Variants in TRPM3 observed in about 807,000 individuals in gnomAD.
The protein encoded by TRPM3 is long transient receptor potential channel 3.
TRPM3 carries 77 observed loss-of-function variants against 181.2 expected under a neutral mutation model. The observed-to-expected ratio is 0.42, with a 90% CI of 0.35 to 0.51. The LOEUF (loss-of-function observed/expected upper bound fraction) is 0.51, where lower values mean the gene tolerates loss of function less well. Among genes scored for constraint, TRPM3 ranks in the 20% least tolerant of loss-of-function variants. TRPM3 has a pLI of 0.01. For synonymous variants in TRPM3, 745 were observed against 796.4 expected, an observed-to-expected ratio of 0.94 and a Z score of 1.09; for missense variants, 1,759 against 2,196.7, an observed-to-expected ratio of 0.80 and a Z score of 3.98.
chr9:70,816,764 T>A lies in TRPM3; in HGVS notation c.973+11083A>T, dbSNP rs574560088. 5.2e-4 allele frequency among the ~76,000 whole-genome samples: 79 copies of A among 152,362 alleles called. 1 individual carries two copies. The highest frequency in any genetic ancestry group is 1.7e-3 in the African/African-American group (72 of 41,588). On this transcript the variant is annotated intron_variant, in intron 6 of 25. Transcript: ENST00000677713. ...TAGAGAATGCACATGCATTAATGCA[T>A]GGTGCTGCATATGCGATTATTATTT...
intron 1 of TRPM3, among the ~76,000 whole-genome samples, chr9:71,355,589 T>C (rs530942498): frequency 3.3e-5 from 5 of 152,304 alleles, no homozygotes; most frequent in African/African-American, 1.2e-4. Context: ...AGTCATTTCT[T>C]ACGGCAGCCC....
intron 1 of TRPM3, among the ~76,000 whole-genome samples, chr9:71,167,696 CA>C (rs2076605478): frequency 6.6e-6 from 1 of 152,238 alleles, no homozygotes; most frequent in South Asian, 2.1e-4. Flanking sequence ...AGCCCTTGCA[CA>C]AGCTGATGAG....
chr9:71,432,323 CTTTTTTTTT>C lies in TRPM3; in HGVS notation c.183+14321_183+14329del, dbSNP rs67905820. ...AATGGGTAATGAGACAAAAGTAGGACTTTTTTTTTTTTTTTTTTTTTTTTGGCTTATCTC... is the reference window on the plus strand; with the variant it reads ...AATGGGTAATGAGACAAAAGTAGGACTTTTTTTTTTTTTTTGGCTTATCTC... On this transcript the variant is annotated intron_variant, in intron 1 of 24. Coordinates refer to the TRPM3 transcript ENST00000357533. Among the ~76,000 whole-genome samples the C allele has an allele frequency of 1.9e-3, 142 of 76,656 alleles. 2 individuals are homozygous for C. The highest frequency in any genetic ancestry group is 6.6e-3 in the African/African-American group (136 of 20,742). 50.3% of individuals were successfully genotyped at this position (76,656 alleles called of 152,430 possible). A position where few individuals can be genotyped will look rare whatever the true frequency, so the allele number is the denominator to read the frequency against.
chr9:71,208,753 A>T (rs2131783435), intron 1 of TRPM3, among the ~76,000 whole-genome samples: 1 of 152,350 alleles, frequency 6.6e-6, no homozygotes, highest in South Asian at 2.1e-4. Flanking sequence ...CTAAATAATT[A>T]TATCATATCT....
chr9:71,141,325 C>T (rs1344951314), intron 1 of TRPM3, among the ~76,000 whole-genome samples: 2 of 152,038 alleles, frequency 1.3e-5, no homozygotes, highest in African/African-American at 4.8e-5. Context: ...GATTTACACA[C>T]ATTTTGAGCT....
At chr9:71,284,434 T>C (rs2085106462) in intron 1 of TRPM3, among the ~76,000 whole-genome samples, 1 of 152,196 alleles carries the variant, frequency 6.6e-6, no homozygotes. Flanking sequence ...ACGTGGAGAA[T>C]ACAACACTTG....
chr9:70,567,879 G>A (rs572961356), intron 22 of TRPM3, among the ~76,000 whole-genome samples: 17 of 152,292 alleles, frequency 1.1e-4, no homozygotes, highest in African/African-American at 4.1e-4. Flanking sequence ...AAAGGGGACA[G>A]TTAATATTCA....
At position 70,529,608 on chromosome 9, in the gene TRPM3, T is replaced by C. The variant is rs1291001107; in HGVS notation, c.*6345A>G. Reference sequence around the variant, plus strand: ...CTCTCACAAAGACTCTGTGTTCAAGTTTAGAATTATGTGGCTAACAAATAT... The same window carrying C: ...CTCTCACAAAGACTCTGTGTTCAAGCTTAGAATTATGTGGCTAACAAATAT... On this transcript the variant is annotated 3_prime_UTR_variant, in exon 26 of 26. Transcript: ENST00000677713. 1.3e-5 allele frequency: 2 copies of C among 152,216 alleles called. No homozygotes were observed. The highest frequency in any genetic ancestry group is 2.9e-5 in the Non-Finnish European group (2 of 68,030). The allele number at this position is 152,216 out of a possible 1,614,324, so 9.4% of individuals were successfully genotyped here. A position where few individuals can be genotyped will look rare whatever the true frequency, so the allele number is the denominator to read the frequency against.
intron 11 of TRPM3, among the ~76,000 whole-genome samples, chr9:70,637,546 T>A (rs1223897540): frequency 1.3e-5 from 2 of 152,122 alleles, no homozygotes; most frequent in African/African-American, 2.4e-5. Context: ...TTATTTTTTT[T>A]AATTGAAAAC....
At chr9:71,391,094 C>T (rs958924018) in intron 1 of TRPM3, among the ~76,000 whole-genome samples, 1 of 151,952 alleles carries the variant, frequency 6.6e-6, no homozygotes, top group African/African-American at 2.4e-5. Flanking sequence ...TTACAAATTA[C>T]TGTCATTTGT....
chr9:71,313,387 CCTGT>C (rs1410875208), intron 1 of TRPM3, among the ~76,000 whole-genome samples: 1 of 151,932 alleles, frequency 6.6e-6, no homozygotes, highest in Non-Finnish European at 1.5e-5. Context: ...TTCTAGATGA[CCTGT>C]CTGTTTTATA....
chr9:71,157,089 G>A (rs1233072814), intron 1 of TRPM3, among the ~76,000 whole-genome samples: 1 of 152,192 alleles, frequency 6.6e-6, no homozygotes, highest in Non-Finnish European at 1.5e-5. Flanking sequence ...TTCCCTGACT[G>A]TAATGATCCA....
chr9:71,445,981 C>T (rs1453624775), intron 1 of TRPM3, among the ~76,000 whole-genome samples: 1 of 152,214 alleles, frequency 6.6e-6, no homozygotes, highest in African/African-American at 2.4e-5. Context: ...TTATCAACTG[C>T]ACTTCTCTAC....
intron 1 of TRPM3, among the ~76,000 whole-genome samples, chr9:70,993,474 ATCC>A (rs2097508668): frequency 6.6e-6 from 1 of 152,146 alleles, no homozygotes; most frequent in Non-Finnish European, 1.5e-5. Context: ...GCATTGGATG[ATCC>A]TCCTATTGAC....
chr9:70,941,679 G>A lies in TRPM3; in HGVS notation c.178-77168C>T, dbSNP rs140622951. Among the ~76,000 whole-genome samples the A allele has an allele frequency of 2.4e-3, 366 of 152,302 alleles. 1 individual carries two copies. Among genetic ancestry groups the A allele is most frequent in the African/African-American group, 8.4e-3 (349 of 41,564 alleles). ...AGATTTTGTTGATACATAAGTGGAG[G>A]TAGAAAGGCAAGAGGCATTTTACTA... On this transcript the variant is annotated intron_variant, in intron 1 of 25. Coordinates refer to ENST00000677713, the MANE Select transcript of TRPM3 (RefSeq NM_001366145.2).
intron 14 of TRPM3, among the ~76,000 whole-genome samples, chr9:70,623,596 C>T (rs917198130): frequency 2.0e-5 from 3 of 152,162 alleles, no homozygotes; most frequent in African/African-American, 7.2e-5. Flanking sequence ...AGAACAAAGG[C>T]AGTGGTACCC....
chr9:71,134,444 T>C (rs10868956), intron 1 of TRPM3, among the ~76,000 whole-genome samples: 143,362 of 151,466 alleles, frequency 0.95, 67,953 homozygotes, highest in South Asian at 0.98. Context: ...CCCAGCTACT[T>C]GGGAGGCTGA....
chr9:70,570,859 T>C (rs907058720), intron 22 of TRPM3, among the ~76,000 whole-genome samples: 1 of 152,210 alleles, frequency 6.6e-6, no homozygotes, highest in Non-Finnish European at 1.5e-5. Context: ...ATCTCCAGGA[T>C]GGGAACACTT....
At chr9:71,134,634 C>G (rs919170008) in intron 1 of TRPM3, among the ~76,000 whole-genome samples, 1 of 152,080 alleles carries the variant, frequency 6.6e-6, no homozygotes, top group Non-Finnish European at 1.5e-5. Context: ...CTTCAAATCC[C>G]TGTCACCTTA....
Sources: gnomAD v4.1 joint callset for allele counts (sites outside exome capture counted in the v4.1 genomes callset) on GRCh38, gnomAD v4.1.1 for gene constraint, MANE v1.5 for transcripts, NCBI Gene and HGNC (gene_info 2026-07-23, HGNC 2026-07-21) for gene names.